The following EGLN1 variants were observed in gnomAD, a reference collection of about 807,000 sequenced individuals.
The protein encoded by EGLN1 is egl nine homolog 1.
Under a neutral mutation model 38.3 loss-of-function variants are expected in EGLN1, and 17 were observed. The observed-to-expected ratio is 0.44, with a 90% confidence interval of 0.30 to 0.67. EGLN1 has a LOEUF of 0.67. Among genes scored for constraint, EGLN1 ranks in the 30% least tolerant of loss-of-function variants. EGLN1 has a pLI of 0.08. For missense variants in EGLN1, 477 were observed against 603.3 expected, an observed-to-expected ratio of 0.79 and a Z score of 2.19; for synonymous variants, 283 against 257.5, an observed-to-expected ratio of 1.10 and a Z score of -0.95.
intron 4 of EGLN1, among the ~76,000 whole-genome samples, chr1:231,366,939 AAAG>A (rs1488771934): frequency 6.6e-6 from 1 of 152,234 alleles, no homozygotes; most frequent in East Asian, 1.9e-4. Context: ...GAGTTAAAGA[AAAG>A]AAGGTAAGTG....
chr1:231,367,688 T>C, intron 3 of EGLN1, 52 bp from the exon 4 acceptor site: 1 of 1,551,382 alleles, frequency 6.4e-7, no homozygotes, highest in Non-Finnish European at 8.9e-7. Context: ...GGGGAAAAAG[T>C]GGTATTTTGC....
At chr1:231,385,571 T>C (rs1688184407) in intron 1 of EGLN1, among the ~76,000 whole-genome samples, 1 of 152,186 alleles carries the variant, frequency 6.6e-6, no homozygotes, top group South Asian at 2.1e-4. Flanking sequence ...AGTCAAGGAA[T>C]GTGACAGGTA....
intron 1 of EGLN1, among the ~76,000 whole-genome samples, chr1:231,379,183 A>G (rs1408560503): frequency 5.3e-5 from 8 of 152,316 alleles, no homozygotes; most frequent in African/African-American, 1.9e-4. Context: ...CCAGTAAGGC[A>G]TGTATATAGT....
chr1:231,377,994 C>T (rs1687999807), intron 1 of EGLN1, among the ~76,000 whole-genome samples: 1 of 152,166 alleles, frequency 6.6e-6, no homozygotes, highest in South Asian at 2.1e-4. Context: ...CCCAGTATAG[C>T]TCAATTATCA....
intron 1 of EGLN1, among the ~76,000 whole-genome samples, chr1:231,401,905 T>C (rs548845624): frequency 1.1e-4 from 16 of 152,226 alleles, no homozygotes; most frequent in Non-Finnish European, 2.2e-4. Flanking sequence ...AAAGTGGCTG[T>C]ACCATTTTGT....
chr1:231,391,090 TTTTGTG>T (rs1451577998), intron 1 of EGLN1, among the ~76,000 whole-genome samples: 6 of 53,126 alleles, frequency 1.1e-4, no homozygotes, highest in Admixed American at 4.2e-4. Flanking sequence ...TCTGTTTTTT[TTTTGTG>T]TGTGTGTGTG....
intron 1 of EGLN1, among the ~76,000 whole-genome samples, chr1:231,393,413 G>C (rs1464060970): frequency 4.6e-5 from 7 of 152,174 alleles, no homozygotes; most frequent in Non-Finnish European, 8.8e-5. Flanking sequence ...ATTTGGAATC[G>C]GAGAGATCTA....
At position 231,414,857 on chromosome 1, in the gene EGLN1, C is replaced by T. The variant is rs190792301; in HGVS notation, c.891+6141G>A. ...CTCAAGCGATCCTCCCACCTCAGCC[C>T]CTCAAGAAGCTGGGACTACAGACAT... On this transcript the variant is annotated intron_variant, in intron 1 of 4. Coordinates refer to ENST00000366641, the MANE Select transcript of EGLN1 (RefSeq NM_022051.3). Among the ~76,000 whole-genome samples, 374 of 151,840 alleles carry T rather than the reference C, an allele frequency of 2.5e-3. 1 individual carries two copies. The highest frequency in any genetic ancestry group is 4.2e-3 in the Non-Finnish European group (285 of 67,910).
chr1:231,379,834 C>G (rs1688038669), intron 1 of EGLN1, among the ~76,000 whole-genome samples: 1 of 152,116 alleles, frequency 6.6e-6, no homozygotes. Flanking sequence ...CAAAACGACA[C>G]TGAACAGAAT....
intron 1 of EGLN1, among the ~76,000 whole-genome samples, chr1:231,389,715 G>A (rs148539723): frequency 4.7e-4 from 72 of 152,244 alleles, no homozygotes; most frequent in African/African-American, 1.2e-3. Context: ...TTGGGGGGCC[G>A]AGGCAGGCGG....
intron 1 of EGLN1, among the ~76,000 whole-genome samples, chr1:231,381,609 C>A (rs1257059683): frequency 6.6e-6 from 1 of 152,130 alleles, no homozygotes; most frequent in Non-Finnish European, 1.5e-5. Flanking sequence ...ATGCTCCCGA[C>A]AGTATAATCT....
At position 231,422,133 on chromosome 1, in the gene EGLN1, T is replaced by G; in HGVS notation, c.-245A>C. ...TCATCGCCGCCGAGGGCTGAGAGAA[T>G]AGGGCCTGTGCGGCGAATGGCAACC... On this transcript the variant is annotated 5_prime_UTR_variant, in exon 1 of 5. Coordinates refer to ENST00000366641, the MANE Select transcript of EGLN1 (RefSeq NM_022051.3). 4.7e-5 allele frequency: 15 copies of G among 322,096 alleles called. No individual in the cohort carries two copies. The highest frequency in any genetic ancestry group is 1.2e-4 in the East Asian group (2 of 16,502). The allele number at this position is 322,096 out of a possible 1,614,324, so 20.0% of individuals were successfully genotyped here.
intron 1 of EGLN1, among the ~76,000 whole-genome samples, chr1:231,396,508 T>C (rs1469282638): frequency 1.3e-5 from 2 of 152,246 alleles, no homozygotes; most frequent in East Asian, 3.9e-4. Flanking sequence ...TCCCTCAGCC[T>C]CCCAAAGTGC....
rs1269069491 is a variant in EGLN1, at chr1:231,421,654, G to T, written c.235C>A (p.Pro79Thr). ...VGPHQHSGPA[P>T]PAAVPPPRAG... is the part of the protein sequence containing the mutation. ...CTGGGCGGCGGCACTGCAGCCGGCG[G>T]CGCGGGGCCGGAATGCTGGTGTGGG... is the stretch of plus-strand genomic sequence containing the variant. Residue 79 changes from proline (P) to threonine (T), a missense_variant, in exon 1 of 5, where the codon CCG becomes ACG. Physicochemically the swap from Pro to Thr is conservative, Grantham distance 38. Transcript: ENST00000366641. This position sits in a 1 kb window ranked among gnomAD's most constrained non-coding sequence, Gnocchi z 5.5. The T allele has an allele frequency of 2.1e-6, 3 of 1,460,706 alleles. No individual in the cohort carries two copies. The highest frequency in any genetic ancestry group is 2.7e-6 in the Non-Finnish European group (3 of 1,110,256). The allele number at this position is 1,460,706 out of a possible 1,614,324, so 90.5% of individuals were successfully genotyped here.
intron 1 of EGLN1, among the ~76,000 whole-genome samples, chr1:231,383,057 CAAAAAAAAAAAAAAAAAA>C (rs547747077): frequency 1.4e-5 from 1 of 70,562 alleles, no homozygotes; most frequent in African/African-American, 6.3e-5. Context: ...AACTCTGTCT[CAAAAAAAAAAAAAAAAAA>C]AAAAAAAAAA....
At chr1:231,410,718 G>A (rs1367186713) in intron 1 of EGLN1, among the ~76,000 whole-genome samples, 1 of 151,686 alleles carries the variant, frequency 6.6e-6, no homozygotes, top group East Asian at 1.9e-4. Flanking sequence ...GTAAGTTGAG[G>A]AAAAAAAGAA....
rs967576388 is a variant in EGLN1, at chr1:231,422,065, G to A, written c.-177C>T. 28 of 584,650 alleles carry A rather than the reference G, an allele frequency of 4.8e-5. No homozygotes were observed. The highest frequency in any genetic ancestry group is 6.2e-5 in the Non-Finnish European group (24 of 388,478). The allele number at this position is 584,650 out of a possible 1,614,324, so 36.2% of individuals were successfully genotyped here. A position where few individuals can be genotyped will look rare whatever the true frequency, so the allele number is the denominator to read the frequency against. On this transcript the variant is annotated 5_prime_UTR_variant, in exon 1 of 5. Coordinates refer to ENST00000366641, the MANE Select transcript of EGLN1 (RefSeq NM_022051.3). ...CCACGCCCTCGGCCCGGCCGCTTCC[G>A]AGTCCTAAGCTCCGGCGCAGCGCCG...
chr1:231,419,627 C>T (rs2102945255), intron 1 of EGLN1, among the ~76,000 whole-genome samples: 1 of 152,304 alleles, frequency 6.6e-6, no homozygotes, highest in East Asian at 1.9e-4. Context: ...GCTGAAATTT[C>T]ATCAGATCCC....
chr1:231,367,531 T>G (rs1687683188), intron 4 of EGLN1, 38 bp downstream of exon 4: 4 of 1,599,268 alleles, frequency 2.5e-6, no homozygotes, highest in Non-Finnish European at 3.4e-6. Context: ...TGCAGGGTAT[T>G]TCTGTACCAA....
Sources: gnomAD v4.1 joint callset for allele counts (sites outside exome capture counted in the v4.1 genomes callset) on GRCh38, gnomAD v4.1.1 for gene constraint, Gnocchi (gnomAD v3.1) non-coding constraint, MANE v1.5 for transcripts, NCBI Gene and HGNC (gene_info 2026-07-23, HGNC 2026-07-21) for gene names.